The following TCAIM variants were observed in gnomAD, a reference collection of about 807,000 sequenced individuals.
The protein encoded by TCAIM is T-cell activation inhibitor, mitochondrial.
Under a neutral mutation model 58.6 loss-of-function variants are expected in TCAIM, and 36 were observed. The ratio of observed to expected loss-of-function variants is 0.61; its 90% confidence interval spans 0.47 to 0.81. The LOEUF is 0.81. Among genes scored for constraint, TCAIM ranks in the 30% least tolerant of loss-of-function variants. The probability of loss-of-function intolerance (pLI) is 0.00; values close to 1 mark genes in which losing one functional copy is unlikely to be tolerated. For missense variants in TCAIM, 466 were observed against 579.6 expected (o/e 0.80, Z 2.01); for synonymous variants, 172 against 193.6 (o/e 0.89, Z 0.93).
intron 1 of TCAIM, chr3:44,340,597 A>G (rs1447648717): frequency 1.3e-5 from 2 of 152,236 alleles, no homozygotes; most frequent in Non-Finnish European, 2.9e-5. Context: ...TTTGTATTAA[A>G]TAATTATTTT....
chr3:44,370,521 C>T (rs1029577094), intron 5 of TCAIM, among the ~76,000 whole-genome samples: 1 of 151,180 alleles, frequency 6.6e-6, no homozygotes, highest in African/African-American at 2.4e-5. Context: ...TTCTAAATCA[C>T]TGATTATTAT....
chr3:44,363,006 T>C (rs1200098612), intron 4 of TCAIM: 4 of 152,230 alleles, frequency 2.6e-5, no homozygotes, highest in Non-Finnish European at 5.9e-5. Context: ...GATTATATCC[T>C]TTATAGTTGT....
At chr3:44,378,784 G>C (rs138165801) in intron 5 of TCAIM, among the ~76,000 whole-genome samples, 1 of 147,240 alleles carries the variant, frequency 6.8e-6, no homozygotes, top group African/African-American at 2.6e-5. Context: ...GCAACAGAGC[G>C]AGACTCTGTC....
At chr3:44,390,622 C>CA (rs1336263155) in intron 5 of TCAIM, among the ~76,000 whole-genome samples, 1 of 151,772 alleles carries the variant, frequency 6.6e-6, no homozygotes, top group African/African-American at 2.4e-5. Flanking sequence ...GACCCCATCT[C>CA]AAAAAAATTG....
At chr3:44,357,608 T>C in intron 2 of TCAIM, 133 bp from the exon 3 acceptor site, 1 of 1,211,932 alleles carries the variant, frequency 8.3e-7, no homozygotes. Context: ...AACTAATAGA[T>C]TTCAGAAAAC....
At chr3:44,390,248 C>T (rs1039655346) in intron 5 of TCAIM, among the ~76,000 whole-genome samples, 1 of 152,168 alleles carries the variant, frequency 6.6e-6, no homozygotes, top group African/African-American at 2.4e-5. Flanking sequence ...TTTTTAAATG[C>T]TTTAGATCAC....
At chr3:44,386,846 T>C (rs1285954365) in intron 5 of TCAIM, among the ~76,000 whole-genome samples, 2 of 152,210 alleles carry the variant, frequency 1.3e-5, no homozygotes, top group African/African-American at 4.8e-5. Flanking sequence ...GGCATGTTGA[T>C]GGCAGGAGGT....
chr3:44,379,838 A>G (rs965256007), intron 5 of TCAIM, among the ~76,000 whole-genome samples: 7 of 152,158 alleles, frequency 4.6e-5, no homozygotes, highest in Non-Finnish European at 8.8e-5. Flanking sequence ...ACACCCATGT[A>G]ACAAACCTGC....
At chr3:44,401,607 G>A (rs555193689) in intron 10 of TCAIM, among the ~76,000 whole-genome samples, 41 of 152,258 alleles carry the variant, frequency 2.7e-4, no homozygotes, top group African/African-American at 9.9e-4. Flanking sequence ...GGAAAAGACT[G>A]ACAACAAGGA....
Position 44,354,738 on chromosome 3 carries a change from G to A in TCAIM, c.-44-1G>A. On this transcript the variant is annotated splice_acceptor_variant, in intron 1 of 10. Transcript: ENST00000342649. LOFTEE classifies it low-confidence loss of function (5UTR_SPLICE). The stretch of plus-strand genomic sequence containing the variant: ...TTTGTGATATCTGCTTAACTTTTAA[G>A]CAATTAATGGATGCCTCGAAGTTGA... 1 of 1,592,416 alleles carries A rather than the reference G, an allele frequency of 6.3e-7. No individual in the cohort carries two copies.
At chr3:44,374,286 C>CTTTTTTTTTTT (rs753252645) in intron 5 of TCAIM, among the ~76,000 whole-genome samples, 1 of 119,866 alleles carries the variant, frequency 8.3e-6, no homozygotes. Context: ...GCTTTGCTTT[C>CTTTTTTTTTTT]TTTTTTTTTT....
intron 5 of TCAIM, among the ~76,000 whole-genome samples, chr3:44,392,433 T>G (rs1701853406): frequency 6.6e-6 from 1 of 152,202 alleles, no homozygotes; most frequent in East Asian, 1.9e-4. Flanking sequence ...ACCTAGGTAC[T>G]AAGCCTAGTA....
At chr3:44,384,373 T>G (rs550726451) in intron 5 of TCAIM, among the ~76,000 whole-genome samples, 12 of 152,362 alleles carry the variant, frequency 7.9e-5, no homozygotes, top group Non-Finnish European at 1.6e-4. Flanking sequence ...TATGGTTTAA[T>G]TTATAGTCAA....
chr3:44,350,782 G>A (rs1019771238), intron 1 of TCAIM, among the ~76,000 whole-genome samples: 4 of 152,048 alleles, frequency 2.6e-5, no homozygotes, highest in African/African-American at 7.3e-5. Context: ...AAAATAAGAA[G>A]CAAAATGAAA....
intron 1 of TCAIM, among the ~76,000 whole-genome samples, chr3:44,349,851 T>C (rs777683751): frequency 4.6e-5 from 7 of 152,022 alleles, no homozygotes; most frequent in Non-Finnish European, 7.4e-5. Flanking sequence ...TGAGAGAGGT[T>C]GGAGAAGAGA....
At position 44,361,482 on chromosome 3, in the gene TCAIM, A is replaced by G; in HGVS notation, c.283A>G (p.Ser95Gly). ...LTFYVRETDQ[S>G]SSDGQEPFST... Reference sequence around the variant, plus strand: ...ATTTTATGTAAGAGAAACAGACCAGAGTTCCTCCGATGGCCAGGAACCTTT... The same window carrying G: ...ATTTTATGTAAGAGAAACAGACCAGGGTTCCTCCGATGGCCAGGAACCTTT... The change falls in exon 4 of 11, where the codon AGT becomes GGT. Residue 95 changes from serine to glycine, a missense_variant. Physicochemically the swap from Ser to Gly is moderately conservative, Grantham distance 56. Coordinates refer to ENST00000342649, the MANE Select transcript of TCAIM (RefSeq NM_173826.4). 1 of 1,607,822 alleles carries G rather than the reference A, an allele frequency of 6.2e-7. No homozygotes were observed. Among genetic ancestry groups the G allele is most frequent in the Non-Finnish European group, 8.5e-7 (1 of 1,177,692 alleles).
chr3:44,401,308 A>G lies in TCAIM; in HGVS notation c.1224A>G (p.Ala408=), dbSNP rs768925735. Residue 408 remains alanine, a synonymous_variant, in exon 10 of 11, where the codon GCA becomes GCG. Coordinates refer to ENST00000342649, the MANE Select transcript of TCAIM (RefSeq NM_173826.4). ...TTATTCTCACCAAAGCTCAGCAGGC[A>G]AGAGAGAACATGAAAAGAAAGGAAG... ...QWFILTKAQQ[A]RENMKRKEEL... 9.9e-6 allele frequency: 16 copies of G among 1,613,968 alleles called. No individual in the cohort carries two copies. Among genetic ancestry groups the G allele is most frequent in the East Asian group, 2.2e-5 (1 of 44,892 alleles).
At chr3:44,362,528 C>T (rs1701309372) in intron 4 of TCAIM, 1 of 400,222 alleles carries the variant, frequency 2.5e-6, no homozygotes, top group Non-Finnish European at 4.4e-6. Context: ...TATATGATCT[C>T]TTACCTTTTA....
chr3:44,352,974 T>G (rs920224571), intron 1 of TCAIM, among the ~76,000 whole-genome samples: 1 of 145,964 alleles, frequency 6.9e-6, no homozygotes, highest in East Asian at 2.1e-4. Context: ...CATACTGGAG[T>G]GCAAAGACGC....
Sources: allele counts gnomAD v4.1 joint callset (sites outside exome capture counted in the v4.1 genomes callset), GRCh38; gene constraint gnomAD v4.1.1; transcripts MANE v1.5; gene names NCBI Gene and HGNC (gene_info 2026-07-23, HGNC 2026-07-21).